OSBPL10: variants seen among roughly 807,000 people sequenced by gnomAD.
The protein encoded by OSBPL10 is oxysterol-binding protein-related protein 10.
OSBPL10 carries 49 observed loss-of-function variants against 81.7 expected under a neutral mutation model. The ratio of observed to expected loss-of-function variants is 0.60; its 90% confidence interval spans 0.48 to 0.76. The LOEUF is 0.76. OSBPL10 is among the 30% of genes least tolerant of loss of function. OSBPL10 has a pLI of 0.00. For missense variants in OSBPL10, 923 were observed against 987.8 expected (o/e 0.93, Z 0.88); for synonymous variants, 419 against 383.6 (o/e 1.09, Z -1.08).
At chr3:31,790,912 G>A (rs556277245) in intron 4 of OSBPL10, among the ~76,000 whole-genome samples, 1 of 152,266 alleles carries the variant, frequency 6.6e-6, no homozygotes, top group South Asian at 2.1e-4. Context: ...ATGCTTGTTG[G>A]AACTCATTTT....
chr3:31,879,457 A>T, intron 2 of OSBPL10, 198 bp downstream of exon 2: 1 of 571,204 alleles, frequency 1.8e-6, no homozygotes, highest in Non-Finnish European at 3.0e-6. Context: ...TTCCTCAGTT[A>T]ATTAGGACAA....
At chr3:31,834,243 T>G (rs1426176540) in intron 3 of OSBPL10, among the ~76,000 whole-genome samples, 7 of 152,114 alleles carry the variant, frequency 4.6e-5, no homozygotes, top group Non-Finnish European at 1.0e-4. Context: ...ATTAACAGAG[T>G]CTGAGAAACA....
intron 6 of OSBPL10, chr3:31,718,920 T>G (rs761797512): frequency 6.6e-6 from 1 of 152,184 alleles, no homozygotes; most frequent in Non-Finnish European, 1.5e-5. Flanking sequence ...AGCAAGAAAG[T>G]GAGGGTAGGA....
intron 2 of OSBPL10, among the ~76,000 whole-genome samples, chr3:32,038,618 A>C (rs1040425160): frequency 1.3e-5 from 2 of 152,158 alleles, no homozygotes; most frequent in Non-Finnish European, 2.9e-5. Context: ...CATCACACCC[A>C]GCCAGAAAAA....
intron 4 of OSBPL10, chr3:31,794,805 A>T (rs1699142984): frequency 6.1e-6 from 2 of 328,148 alleles, no homozygotes; most frequent in Middle Eastern, 8.6e-4. Flanking sequence ...AGCAGCAGGA[A>T]ACTCATCACA....
chr3:31,664,160 G>A lies in OSBPL10; in HGVS notation c.2169C>T (p.His723=). ...DIDAATEQKR[H]LEEKQRVEER... is the part of the protein sequence containing the mutation. ...CCTCCACCCGTTGCTTCTCCTCCAG[G>A]TGCCGCTTCTGCTCGGTGGCTGCGT... The change falls in exon 11 of 12, where the codon CAC becomes CAT. Residue 723 remains histidine (H), a synonymous_variant. Transcript: ENST00000396556. The A allele has an allele frequency of 6.2e-7, 1 of 1,613,632 alleles. No homozygotes were observed. Among genetic ancestry groups the A allele is most frequent in the East Asian group, 2.2e-5 (1 of 44,836 alleles).
At chr3:31,699,470 A>G (rs538019728) in intron 7 of OSBPL10, among the ~76,000 whole-genome samples, 1 of 152,316 alleles carries the variant, frequency 6.6e-6, no homozygotes, top group Admixed American at 6.5e-5. Flanking sequence ...GGAGGTAGTC[A>G]CCAGTAACTT....
intron 1 of OSBPL10, among the ~76,000 whole-genome samples, chr3:31,976,786 T>C (rs1365044326): frequency 1.3e-5 from 2 of 152,278 alleles, no homozygotes; most frequent in Non-Finnish European, 1.5e-5. Flanking sequence ...TCAAGATTTG[T>C]TGTCATTCAG....
At position 31,786,190 on chromosome 3, in the gene OSBPL10, A is replaced by T. The variant is rs572189534; in HGVS notation, c.730-38070T>A. Reference sequence around the variant, plus strand: ...ACCAATTTTAGGAGACCCTTATAGAACGGGGAAATTGGTCTCTCATCTATG... The same window carrying T: ...ACCAATTTTAGGAGACCCTTATAGATCGGGGAAATTGGTCTCTCATCTATG... On this transcript the variant is annotated intron_variant, in intron 4 of 11. Transcript: ENST00000396556. Among the ~76,000 whole-genome samples, 10 of 152,118 alleles carry T rather than the reference A, an allele frequency of 6.6e-5. 1 individual carries two copies. In the South Asian group the frequency reaches 1.7e-3, roughly 25 times the overall value.
chr3:31,690,094 G>A (rs1347710909), intron 7 of OSBPL10, among the ~76,000 whole-genome samples: 1 of 151,994 alleles, frequency 6.6e-6, no homozygotes, highest in Non-Finnish European at 1.5e-5. Context: ...AGTTGATATG[G>A]TTTGGATTTG....
chr3:31,833,844 T>A (rs181694225), intron 3 of OSBPL10, among the ~76,000 whole-genome samples: 10 of 152,156 alleles, frequency 6.6e-5, no homozygotes, highest in Admixed American at 6.5e-4. Flanking sequence ...TCACCATGAA[T>A]GGCAATAAAT....
chr3:31,723,238 C>T (rs1277571139), intron 6 of OSBPL10, among the ~76,000 whole-genome samples: 2 of 152,114 alleles, frequency 1.3e-5, no homozygotes, highest in African/African-American at 4.8e-5. Flanking sequence ...TTGGGAGGGA[C>T]AGGAGCACAC....
chr3:31,721,464 A>G (rs1696642473), intron 6 of OSBPL10: 1 of 152,236 alleles, frequency 6.6e-6, no homozygotes, highest in South Asian at 2.1e-4. Flanking sequence ...GTGGATGCTC[A>G]CTGACCTGGG....
At chr3:31,939,426 A>C (rs1697476262) in intron 1 of OSBPL10, among the ~76,000 whole-genome samples, 1 of 151,390 alleles carries the variant, frequency 6.6e-6, no homozygotes, top group Admixed American at 6.6e-5. Flanking sequence ...TACAGGCATG[A>C]GTCACCACAC....
chr3:31,793,274 T>TG (rs1699079501), intron 4 of OSBPL10, among the ~76,000 whole-genome samples: 2 of 152,206 alleles, frequency 1.3e-5, no homozygotes, highest in South Asian at 2.1e-4. Flanking sequence ...CTAAAATAGC[T>TG]GCAAGAGCAA....
chr3:31,862,222 G>C (rs527310903), intron 3 of OSBPL10, among the ~76,000 whole-genome samples: 2 of 152,130 alleles, frequency 1.3e-5, no homozygotes, highest in African/African-American at 4.8e-5. Context: ...CCTGCCTTTT[G>C]ATGGGAATGC....
chr3:32,005,844 C>T (rs12639105), intron 2 of OSBPL10, among the ~76,000 whole-genome samples: 9,737 of 152,248 alleles, frequency 0.064, 602 homozygotes, highest in East Asian at 0.32. Flanking sequence ...CCTCAGGACT[C>T]CCAAAGTGCT....
chr3:31,856,619 C>T (rs1312205581), intron 3 of OSBPL10, among the ~76,000 whole-genome samples: 1 of 152,230 alleles, frequency 6.6e-6, no homozygotes, highest in Non-Finnish European at 1.5e-5. Flanking sequence ...CAACCTGGAG[C>T]ACTTTATACC....
At chr3:31,722,147 A>C (rs17028101) in intron 6 of OSBPL10, among the ~76,000 whole-genome samples, 14,011 of 152,174 alleles carry the variant, frequency 0.092, 1,590 homozygotes, top group African/African-American at 0.27. Flanking sequence ...GAGACTTAGA[A>C]ATTTTTTTTA....
Sources: allele counts gnomAD v4.1 joint callset (sites outside exome capture counted in the v4.1 genomes callset), GRCh38; gene constraint gnomAD v4.1.1; transcripts MANE v1.5; gene names NCBI Gene and HGNC (gene_info 2026-07-23, HGNC 2026-07-21).